The following STXBP5 variants were observed in gnomAD, a reference collection of about 807,000 sequenced individuals.
STXBP5 encodes syntaxin binding protein 5, also known as syntaxin-binding protein 5.
STXBP5 carries 50 observed loss-of-function variants against 152.4 expected under a neutral mutation model. The observed-to-expected ratio is 0.33, with a 90% CI of 0.26 to 0.42. The LOEUF is 0.42. Among genes scored for constraint, STXBP5 ranks in the 10% least tolerant of loss-of-function variants. STXBP5 has a pLI of 1.00. For synonymous variants in STXBP5, 492 were observed against 494.7 expected (o/e 0.99, Z 0.07); for missense variants, 1,167 against 1,388.6 (o/e 0.84, Z 2.54).
At chr6:147,233,882 C>A (rs1778138884) in intron 2 of STXBP5, among the ~76,000 whole-genome samples, 1 of 149,880 alleles carries the variant, frequency 6.7e-6, no homozygotes. Flanking sequence ...ACTACTATTA[C>A]TACTACTACT....
At chr6:147,281,384 G>T (rs1170811466) in intron 8 of STXBP5, among the ~76,000 whole-genome samples, 1 of 152,150 alleles carries the variant, frequency 6.6e-6, no homozygotes, top group Non-Finnish European at 1.5e-5. Flanking sequence ...ATACATTAAA[G>T]TACAAAACTA....
chr6:147,230,561 C>T (rs1281236004), intron 2 of STXBP5, among the ~76,000 whole-genome samples: 4 of 151,654 alleles, frequency 2.6e-5, no homozygotes, highest in African/African-American at 4.8e-5. Context: ...AGTTGTGAAA[C>T]GTTGATTATA....
chr6:147,381,522 T>C (rs1406832497), intron 26 of STXBP5, among the ~76,000 whole-genome samples: 1 of 152,172 alleles, frequency 6.6e-6, no homozygotes. Flanking sequence ...CCAGCTATTC[T>C]ATGCCTAGGC....
chr6:147,359,492 G>A (rs762938134), intron 23 of STXBP5, among the ~76,000 whole-genome samples, 169 bp downstream of exon 23: 1 of 151,712 alleles, frequency 6.6e-6, no homozygotes, highest in African/African-American at 2.4e-5. Flanking sequence ...TAAGTTTTAG[G>A]GTACATGTGC....
rs1042051274 is a variant in STXBP5 at position 147,310,028 on chromosome 6, C to T, written c.918-56C>T. On this transcript the variant is annotated intron_variant, in intron 9 of 27. Coordinates refer to ENST00000321680, the MANE Select transcript of STXBP5 (RefSeq NM_001127715.4). ...ACTAAATTAAAAAATTATGATGTAGCAAGAAAATTATCTTTACTATGCCAT... is the reference window on the plus strand; with the variant it reads ...ACTAAATTAAAAAATTATGATGTAGTAAGAAAATTATCTTTACTATGCCAT... The T allele has an allele frequency of 1.1e-5, 13 of 1,217,666 alleles. No individual in the cohort carries two copies. The African/African-American group carries it at 1.7e-4, about 16-fold the overall frequency. 75.4% of individuals were successfully genotyped at this position (1,217,666 alleles called of 1,614,324 possible).
At chr6:147,217,545 T>C (rs1777233499) in intron 2 of STXBP5, among the ~76,000 whole-genome samples, 1 of 152,230 alleles carries the variant, frequency 6.6e-6, no homozygotes, top group Admixed American at 6.5e-5. Context: ...TAATTCATTT[T>C]TGCCTCTTCA....
At chr6:147,294,778 T>C (rs145004182) in intron 9 of STXBP5, among the ~76,000 whole-genome samples, 1 of 152,320 alleles carries the variant, frequency 6.6e-6, no homozygotes, top group East Asian at 1.9e-4. Context: ...ACTTATAAAC[T>C]AGAATAGGAA....
intron 21 of STXBP5, among the ~76,000 whole-genome samples, chr6:147,340,058 TTTAAAGTCTTGAAA>T (rs1257929430): frequency 6.6e-6 from 1 of 152,066 alleles, no homozygotes; most frequent in Non-Finnish European, 1.5e-5. Flanking sequence ...TCCAAAGATT[TTTAAAGTCTTGAAA>T]AACACTTTTA....
chr6:147,209,745 G>A (rs1582785471), intron 2 of STXBP5, among the ~76,000 whole-genome samples: 1 of 152,116 alleles, frequency 6.6e-6, no homozygotes, highest in East Asian at 1.9e-4. Context: ...TAAATTTGTT[G>A]CATTTGATGA....
chr6:147,296,223 GA>G (rs199673982), intron 9 of STXBP5, among the ~76,000 whole-genome samples: 10 of 147,746 alleles, frequency 6.8e-5, no homozygotes, highest in African/African-American at 7.5e-5. Flanking sequence ...CCTTCAGTAG[GA>G]AAAAAAAAAG....
At chr6:147,226,379 G>A (rs543820688) in intron 2 of STXBP5, among the ~76,000 whole-genome samples, 4 of 152,050 alleles carry the variant, frequency 2.6e-5, no homozygotes, top group Admixed American at 6.6e-5. Context: ...TTGAGTGTCT[G>A]CTATGTGTCA....
At chr6:147,254,804 AAGTC>A (rs1269670655) in intron 4 of STXBP5, among the ~76,000 whole-genome samples, 1 of 152,242 alleles carries the variant, frequency 6.6e-6, no homozygotes, top group Non-Finnish European at 1.5e-5. Flanking sequence ...GATCATTAAA[AAGTC>A]AGGAAACAAC....
intron 3 of STXBP5, among the ~76,000 whole-genome samples, chr6:147,236,505 T>C (rs1401894470): frequency 6.6e-6 from 1 of 152,178 alleles, no homozygotes; most frequent in African/African-American, 2.4e-5. Flanking sequence ...AATAGTATGA[T>C]AGCAAACCAG....
At chr6:147,305,306 GT>G (rs1562475282) in intron 9 of STXBP5, among the ~76,000 whole-genome samples, 1 of 152,130 alleles carries the variant, frequency 6.6e-6, no homozygotes, top group African/African-American at 2.4e-5. Context: ...GGAAAGCAGT[GT>G]TCAAGGCAAC....
At chr6:147,236,032 GT>G (rs1778252506) in intron 3 of STXBP5, among the ~76,000 whole-genome samples, 1 of 152,170 alleles carries the variant, frequency 6.6e-6, no homozygotes, top group Non-Finnish European at 1.5e-5. Flanking sequence ...CATTATTTTA[GT>G]CCCTAAACCC....
At chr6:147,278,773 G>A (rs535443693) in intron 8 of STXBP5, among the ~76,000 whole-genome samples, 2 of 152,242 alleles carry the variant, frequency 1.3e-5, no homozygotes, top group East Asian at 3.9e-4. Flanking sequence ...AACACATGAA[G>A]TTTAGAGGAA....
chr6:147,380,173 TACACACACAC>T lies in STXBP5; in HGVS notation c.3194-2577_3194-2568del, dbSNP rs58343558. On this transcript the variant is annotated intron_variant, in intron 26 of 27. Coordinates refer to ENST00000321680, the MANE Select transcript of STXBP5 (RefSeq NM_001127715.4). The stretch of plus-strand genomic sequence containing the variant: ...ATACAAAGAATTCAAAATAGCCACG[TACACACACAC>T]ACACACACACACACACACACACACA... 2.1e-3 allele frequency among the ~76,000 whole-genome samples: 297 copies of T among 142,944 alleles called. 2 individuals are homozygous for T. Among genetic ancestry groups the T allele is most frequent in the South Asian group, 0.016 (70 of 4,446 alleles). 93.8% of individuals were successfully genotyped at this position (142,944 alleles called of 152,430 possible).
In STXBP5 at chr6:147,311,377, A is replaced by G. The variant is rs556907108; in HGVS notation, c.1073-78A>G. On this transcript the variant is annotated intron_variant, in intron 10 of 27. Transcript: ENST00000321680. ...ACTCAAGAGAATGAAACTAAATAAA[A>G]TCAAGCAAGAAACATTTATCTAATT... 2.8e-5 allele frequency: 34 copies of G among 1,210,320 alleles called. No individual in the cohort carries two copies. In the African/African-American group the frequency reaches 3.9e-4, roughly 14 times the overall value. The allele number at this position is 1,210,320 out of a possible 1,614,324, so 75.0% of individuals were successfully genotyped here.
intron 8 of STXBP5, among the ~76,000 whole-genome samples, chr6:147,283,595 C>T (rs1025917608): frequency 1.6e-4 from 24 of 152,098 alleles, no homozygotes; most frequent in African/African-American, 4.8e-4. Context: ...CTCGAGTCAC[C>T]AAGATCTGGC....
Sources: allele counts gnomAD v4.1 joint callset (sites outside exome capture counted in the v4.1 genomes callset), GRCh38; gene constraint gnomAD v4.1.1; transcripts MANE v1.5; gene names NCBI Gene and HGNC (gene_info 2026-07-23, HGNC 2026-07-21).